Variants in MEI1 observed in about 807,000 individuals in gnomAD.
MEI1 encodes the protein meiotic double-stranded break formation protein 1.
MEI1 carries 103 observed loss-of-function variants against 146.2 expected under a neutral mutation model. The observed-to-expected ratio is 0.70, with a 90% CI of 0.60 to 0.83. The LOEUF (loss-of-function observed/expected upper bound fraction) is 0.83, where lower values mean the gene tolerates loss of function less well. MEI1 is among the 40% of genes least tolerant of loss of function. The pLI, the probability that MEI1 is intolerant of heterozygous loss-of-function variation, is 0.00. For missense variants in MEI1, 1,529 were observed against 1,533.0 expected (o/e 1.00, Z 0.04); for synonymous variants, 652 against 628.2 (o/e 1.04, Z -0.57).
chr22:41,742,271 A>T (rs1292544764), intron 11 of MEI1, among the ~76,000 whole-genome samples: 1 of 152,148 alleles, frequency 6.6e-6, no homozygotes, highest in Non-Finnish European at 1.5e-5. Flanking sequence ...GGATCTTAGT[A>T]ACATTTACCT....
chr22:41,732,238 G>A lies in MEI1; in HGVS notation c.1097-7G>A, dbSNP rs1388314269. ...TCCCTGGCCTCTGTCATGTCATCCT[G>A]TGGTAGGGATCGAGGCAGTGGTGAG... is the stretch of plus-strand genomic sequence containing the variant. On this transcript the variant is annotated splice_polypyrimidine_tract_variant and splice_region_variant and intron_variant, in intron 9 of 30. Coordinates refer to ENST00000401548, the MANE Select transcript of MEI1 (RefSeq NM_152513.4). The A allele has an allele frequency of 1.2e-6, 2 of 1,603,672 alleles. No homozygotes were observed. The highest frequency in any genetic ancestry group is 1.3e-5 in the African/African-American group (1 of 74,732).
At chr22:41,794,590 G>T in intron 28 of MEI1, 113 bp downstream of exon 28, 1 of 810,350 alleles carries the variant, frequency 1.2e-6, no homozygotes, top group Non-Finnish European at 2.0e-6. Context: ...AAGGTGGAAG[G>T]GCTCGGCAGG....
chr22:41,733,521 C>T (rs2072053791), intron 11 of MEI1, among the ~76,000 whole-genome samples: 1 of 151,906 alleles, frequency 6.6e-6, no homozygotes, highest in South Asian at 2.1e-4. Context: ...CTTTGGGAGA[C>T]CAAGGCAGGT....
At chr22:41,770,662 C>T (rs750060621) in intron 19 of MEI1, 24 bp from the exon 20 acceptor site, 1 of 1,607,422 alleles carries the variant, frequency 6.2e-7, no homozygotes, top group Non-Finnish European at 8.5e-7. Flanking sequence ...GTGTATTTAC[C>T]TCCTTTCTTT....
intron 30 of MEI1, among the ~76,000 whole-genome samples, chr22:41,798,768 T>TGAGGCAGGAC (rs2076467996): frequency 6.6e-6 from 1 of 150,662 alleles, no homozygotes; most frequent in African/African-American, 2.4e-5. Context: ...CTTGGGAGGA[T>TGAGGCAGGAC]GAGGCAGGAC....
At chr22:41,716,194 A>T (rs774283187) in intron 5 of MEI1, 48 bp downstream of exon 5, 1 of 1,304,476 alleles carries the variant, frequency 7.7e-7, no homozygotes, top group South Asian at 1.3e-5. Context: ...ACCTGCTTTT[A>T]TCATACTGCC....
chr22:41,717,554 TC>T (rs1216418025), intron 5 of MEI1, among the ~76,000 whole-genome samples: 3 of 152,068 alleles, frequency 2.0e-5, no homozygotes, highest in Non-Finnish European at 4.4e-5. Flanking sequence ...CACCTTGGCC[TC>T]CCAAAGTGCT....
chr22:41,796,157 G>A (rs1026643439), intron 30 of MEI1, among the ~76,000 whole-genome samples: 3 of 151,934 alleles, frequency 2.0e-5, no homozygotes, highest in Non-Finnish European at 4.4e-5. Context: ...ACAGAAAGCA[G>A]GCACATTACA....
intron 1 of MEI1, among the ~76,000 whole-genome samples, chr22:41,700,930 T>G (rs2068669375): frequency 6.7e-6 from 1 of 150,314 alleles, no homozygotes; most frequent in South Asian, 2.1e-4. Context: ...TATTTTGATT[T>G]CTTTCTTTCT....
chr22:41,752,456 G>A, intron 15 of MEI1, 135 bp from the exon 16 acceptor site: 1 of 766,348 alleles, frequency 1.3e-6, no homozygotes, highest in Admixed American at 2.3e-5. Flanking sequence ...GAAACTACTA[G>A]ACAGTGGTGG....
Position 41,784,755 on chromosome 22 carries a change from T to A in MEI1, c.3317T>A (p.Val1106Asp). ...PLRMSQVRSL[V>D]IGLQNLLVQK... ...CGAATGTCGCAAGTCCGGTCCCTGG[T>A]CATTGGGCTGCAGAACCTCCTGGTG... Residue 1106 changes from valine to aspartate, a missense_variant, in exon 26 of 31, where the codon GTC (valine) becomes GAC (aspartate). Transcript: ENST00000401548. 6.2e-7 allele frequency: 1 copy of A among 1,611,146 alleles called. No homozygotes were observed. Among genetic ancestry groups the A allele is most frequent in the Non-Finnish European group, 8.5e-7 (1 of 1,178,576 alleles).
intron 20 of MEI1, among the ~76,000 whole-genome samples, chr22:41,775,873 C>T (rs1311365885): frequency 6.6e-6 from 1 of 152,038 alleles, no homozygotes; most frequent in South Asian, 2.1e-4. Context: ...GGATTACATG[C>T]GTGAGCCACC....
chr22:41,771,023 G>T, intron 20 of MEI1, 62 bp downstream of exon 20: 4 of 1,559,752 alleles, frequency 2.6e-6, no homozygotes, highest in Non-Finnish European at 8.7e-7. Context: ...TCTGAGAGCC[G>T]GTTTACTGAG....
chr22:41,768,781 G>T (rs988429904), intron 19 of MEI1, among the ~76,000 whole-genome samples: 2 of 152,176 alleles, frequency 1.3e-5, no homozygotes, highest in Non-Finnish European at 2.9e-5. Flanking sequence ...CCACCCCCAT[G>T]ATCCAGTCAC....
intron 18 of MEI1, among the ~76,000 whole-genome samples, chr22:41,759,789 A>G (rs1443497731): frequency 6.6e-6 from 1 of 152,068 alleles, no homozygotes; most frequent in Non-Finnish European, 1.5e-5. Context: ...AGCTCATGCC[A>G]CTGCACTCCA....
Position 41,781,302 on chromosome 22 carries a change from A to G in MEI1, c.2834A>G (p.Lys945Arg), listed in dbSNP as rs2075746812. 6 of 1,612,328 alleles carry G rather than the reference A, an allele frequency of 3.7e-6. No homozygotes were observed. Among genetic ancestry groups the G allele is most frequent in the Non-Finnish European group, 5.1e-6 (6 of 1,179,302 alleles). The change falls in exon 23 of 31, where the codon AAG (lysine) becomes AGG (arginine). Residue 945 changes from lysine to arginine, a missense_variant. Coordinates refer to ENST00000401548, the MANE Select transcript of MEI1 (RefSeq NM_152513.4). ...LLHQVSKLCG[K>R]CSPTDVDILQ... ...CTTGCAGTAAGCAAGCTGTGTGGGA[A>G]GTGCAGCCCCACTGACGTGGACATC...
intron 2 of MEI1, 116 bp from the exon 3 acceptor site, chr22:41,705,388 T>C: frequency 1.1e-6 from 1 of 870,962 alleles, no homozygotes; most frequent in Non-Finnish European, 2.0e-6. Flanking sequence ...GTCAGGCTTT[T>C]CTTGAATTCC....
At position 41,770,863 on chromosome 22, in the gene MEI1, G is replaced by A. The variant is rs762268460; in HGVS notation, c.2446G>A (p.Asp816Asn). The change falls in exon 20 of 31, where the codon GAT becomes AAT. Residue 816 changes from aspartate (D) to asparagine (N), a missense_variant. Asp to Asn is a conservative substitution (Grantham distance 23). Coordinates refer to ENST00000401548, the MANE Select transcript of MEI1 (RefSeq NM_152513.4). Reference protein sequence around the residue: ...FWEESSYEELDDVTSAGQPAL... With the variant: ...FWEESSYEELNDVTSAGQPAL... ...GGAAGAGAGCAGCTATGAGGAACTG[G>A]ATGATGTCACCTCTGCTGGGCAGCC... is the stretch of plus-strand genomic sequence containing the variant. 5 of 1,613,998 alleles carry A rather than the reference G, an allele frequency of 3.1e-6. No homozygotes were observed. The highest frequency in any genetic ancestry group is 2.2e-5 in the East Asian group (1 of 44,888).
At chr22:41,716,348 A>T (rs1212166232) in intron 5 of MEI1, among the ~76,000 whole-genome samples, 1 of 127,622 alleles carries the variant, frequency 7.8e-6, no homozygotes, top group Non-Finnish European at 1.6e-5. Context: ...GACTATTTCC[A>T]TTCATTCTTT....
Sources: gnomAD v4.1 joint callset for allele counts (sites outside exome capture counted in the v4.1 genomes callset) on GRCh38, gnomAD v4.1.1 for gene constraint, MANE v1.5 for transcripts, NCBI Gene and HGNC (gene_info 2026-07-23, HGNC 2026-07-21) for gene names.